Variants in GNG7 observed in about 807,000 individuals in gnomAD.
GNG7 encodes guanine nucleotide-binding protein G(I)/G(S)/G(O) subunit gamma-7.
In GNG7, 1 loss-of-function variant was observed where a neutral mutation model predicts 4.0. The observed-to-expected ratio is 0.25, with a 90% CI of 0.09 to 1.18. The LOEUF (loss-of-function observed/expected upper bound fraction) is 1.18. Ranked by LOEUF, GNG7 falls within the 50% of genes most tolerant of loss-of-function variation. The probability of loss-of-function intolerance (pLI) is 0.50; values close to 1 mark genes in which losing one functional copy is unlikely to be tolerated. For synonymous variants in GNG7, 34 were observed against 36.9 expected (o/e 0.92, Z 0.29); for missense variants, 86 against 91.9 (o/e 0.94, Z 0.26).
intron 2 of GNG7, among the ~76,000 whole-genome samples, chr19:2,563,980 G>A (rs1227438402): frequency 6.6e-6 from 1 of 152,132 alleles, no homozygotes; most frequent in African/African-American, 2.4e-5. Context: ...TGGGGGTGTT[G>A]GGTGGGGTGG....
Position 2,634,751 on chromosome 19 carries a change from G to C in GNG7, c.-78+11473C>G, listed in dbSNP as rs1982262785. Among the ~76,000 whole-genome samples the C allele has an allele frequency of 6.6e-6, 1 of 152,110 alleles. No homozygotes were observed. Among genetic ancestry groups the C allele is most frequent in the Admixed American group, 6.6e-5 (1 of 15,266 alleles). The stretch of plus-strand genomic sequence containing the variant: ...ATAACGTGAATTTCAACACGACCAG[G>C]ACATGCTGAAATCTGGTGACCGACC... On this transcript the variant is annotated intron_variant, in intron 2 of 4. Transcript: ENST00000382159. The surrounding 1 kb of genome is among the most constrained non-coding windows in gnomAD (Gnocchi z 5.3).
At chr19:2,543,889 G>A (rs944726132) in intron 3 of GNG7, among the ~76,000 whole-genome samples, 1 of 152,178 alleles carries the variant, frequency 6.6e-6, no homozygotes, top group African/African-American at 2.4e-5. Context: ...CGTGAGAACA[G>A]AAGCAACCTT....
intron 2 of GNG7, chr19:2,610,310 A>C (rs1158721033): frequency 1.4e-5 from 2 of 142,842 alleles, no homozygotes; most frequent in Non-Finnish European, 1.5e-5. Flanking sequence ...ATAGGTGTGC[A>C]CTGCCACACC....
intron 2 of GNG7, among the ~76,000 whole-genome samples, chr19:2,644,583 C>A (rs1982616532): frequency 1.3e-5 from 2 of 151,920 alleles, no homozygotes; most frequent in African/African-American, 2.4e-5. Flanking sequence ...AATTCCAGAA[C>A]ATTCTAATTA....
intron 1 of GNG7, among the ~76,000 whole-genome samples, chr19:2,673,257 C>CAAAAAAAAAAAAAA (rs754605877): frequency 1.6e-4 from 17 of 108,154 alleles, no homozygotes; most frequent in South Asian, 3.8e-4. Flanking sequence ...GATTCCATCT[C>CAAAAAAAAAAAAAA]AAAAAAAAAA....
At chr19:2,571,758 G>C (rs1980155868) in intron 2 of GNG7, among the ~76,000 whole-genome samples, 1 of 151,752 alleles carries the variant, frequency 6.6e-6, no homozygotes, top group South Asian at 2.1e-4. Context: ...ACCACGCCTG[G>C]CTAATTTTTG....
chr19:2,566,470 T>C (rs1312240700), intron 2 of GNG7, among the ~76,000 whole-genome samples: 1 of 152,120 alleles, frequency 6.6e-6, no homozygotes, highest in Non-Finnish European at 1.5e-5. Context: ...CTGTGGACCT[T>C]GTACGAGCAC....
At chr19:2,530,510 C>T (rs375773234) in intron 3 of GNG7, among the ~76,000 whole-genome samples, 38 of 151,560 alleles carry the variant, frequency 2.5e-4, no homozygotes, top group African/African-American at 8.2e-4. Context: ...CACTTGAAGT[C>T]GGGAGTTTGA....
At chr19:2,665,365 G>C (rs746672127) in intron 1 of GNG7, among the ~76,000 whole-genome samples, 4 of 80,958 alleles carry the variant, frequency 4.9e-5, no homozygotes, top group Non-Finnish European at 6.0e-5. Flanking sequence ...GTCCCCTGGG[G>C]GGGGGGGGGC....
rs1451799848 is a variant in GNG7 at position 2,657,345 on chromosome 19, AAAAAAAAAAAAAAAAAATATATATAT to A, written c.-134-11091_-134-11066del. On this transcript the variant is annotated intron_variant, in intron 1 of 4. Coordinates refer to ENST00000382159, the MANE Select transcript of GNG7 (RefSeq NM_052847.3). The stretch of plus-strand genomic sequence containing the variant: ...CAAGACCCCGTCTCAATTAAAAAAA[AAAAAAAAAAAAAAAAAATATATATAT>A]ATATATATATATATATATATATATA... Among the ~76,000 whole-genome samples, 8 of 18,234 alleles carry A rather than the reference AAAAAAAAAAAAAAAAAATATATATAT, an allele frequency of 4.4e-4. 1 individual carries two copies. The highest frequency in any genetic ancestry group is 1.3e-3 in the South Asian group (1 of 742). 12.0% of individuals were successfully genotyped at this position (18,234 alleles called of 152,430 possible).
chr19:2,561,880 TA>T (rs566730945), intron 2 of GNG7, among the ~76,000 whole-genome samples: 7 of 150,672 alleles, frequency 4.6e-5, no homozygotes, highest in African/African-American at 1.5e-4. Flanking sequence ...AAACTCTGTC[TA>T]AAAAAAAAGA....
At chr19:2,649,434 G>C (rs1293257889) in intron 1 of GNG7, among the ~76,000 whole-genome samples, 4 of 100,572 alleles carry the variant, frequency 4.0e-5, no homozygotes, top group Non-Finnish European at 8.6e-5. Flanking sequence ...GTCTTGCTCT[G>C]TCACCCAGGC....
Position 2,678,856 on chromosome 19 carries a change from G to A in GNG7, c.-135+23790C>T, listed in dbSNP as rs149432046. On this transcript the variant is annotated intron_variant, in intron 1 of 4. Transcript: ENST00000382159. ...CACCAGCCAACCCATCCTCCGTCAT[G>A]CAGCCTTCGACGATCGGAAACCAAC... Among the ~76,000 whole-genome samples, 815 of 152,138 alleles carry A rather than the reference G, an allele frequency of 5.4e-3. 8 individuals are homozygous for A. Among genetic ancestry groups the A allele is most frequent in the African/African-American group, 0.019 (779 of 41,508 alleles).
chr19:2,646,875 G>A (rs1235817413), intron 1 of GNG7, among the ~76,000 whole-genome samples: 2 of 152,304 alleles, frequency 1.3e-5, no homozygotes, highest in Admixed American at 6.5e-5. Flanking sequence ...GGAGCCTCAC[G>A]ATCTCCCTGG....
At chr19:2,590,388 A>C (rs1052777597) in intron 2 of GNG7, among the ~76,000 whole-genome samples, 2 of 152,150 alleles carry the variant, frequency 1.3e-5, no homozygotes. Context: ...TGTGTGAATT[A>C]TATCTTGATA....
At chr19:2,524,389 CGT>C (rs1978330577) in intron 3 of GNG7, among the ~76,000 whole-genome samples, 1 of 152,196 alleles carries the variant, frequency 6.6e-6, no homozygotes, top group Admixed American at 6.5e-5. Flanking sequence ...TGACTGTACA[CGT>C]GTGTACACGT....
intron 2 of GNG7, among the ~76,000 whole-genome samples, chr19:2,637,544 A>G (rs1342293880): frequency 6.6e-6 from 1 of 152,116 alleles, no homozygotes; most frequent in Non-Finnish European, 1.5e-5. Context: ...TGCTCAATGA[A>G]TGACTAGCAA....
chr19:2,531,989 A>G (rs556384032), intron 3 of GNG7, among the ~76,000 whole-genome samples: 33 of 151,718 alleles, frequency 2.2e-4, no homozygotes, highest in Non-Finnish European at 2.6e-4. Context: ...GTCTCTACTA[A>G]AAACACAAAA....
At chr19:2,590,532 CCCAA>C (rs1327406888) in intron 2 of GNG7, among the ~76,000 whole-genome samples, 11 of 141,940 alleles carry the variant, frequency 7.7e-5, no homozygotes, top group Admixed American at 2.1e-4. Context: ...CATCCACCCA[CCCAA>C]CCAACCATCC....
Sources: gnomAD v4.1 joint callset for allele counts (sites outside exome capture counted in the v4.1 genomes callset) on GRCh38, gnomAD v4.1.1 for gene constraint, Gnocchi (gnomAD v3.1) non-coding constraint, MANE v1.5 for transcripts, NCBI Gene and HGNC (gene_info 2026-07-23, HGNC 2026-07-21) for gene names.